KCND2: variants seen among roughly 807,000 people sequenced by gnomAD.
The protein encoded by KCND2 is A-type voltage-gated potassium channel KCND2.
A neutral mutation model predicts 54.4 loss-of-function variants in KCND2; 16 were observed. The ratio of observed to expected loss-of-function variants is 0.29; its 90% CI spans 0.20 to 0.45. KCND2 has a LOEUF of 0.45. Ranked by LOEUF, KCND2 falls within the 20% of genes least tolerant of loss-of-function variation. KCND2 has a pLI of 1.00. For missense variants in KCND2, 486 were observed against 824.2 expected, an observed-to-expected ratio of 0.59 and a Z score of 5.02; for synonymous variants, 317 against 310.7, an observed-to-expected ratio of 1.02 and a Z score of -0.21.
chr7:120,348,238 T>G (rs1476277662), intron 1 of KCND2, among the ~76,000 whole-genome samples: 7 of 152,172 alleles, frequency 4.6e-5, no homozygotes, highest in Non-Finnish European at 4.4e-5. Context: ...ACCCACCGTT[T>G]AACAGAATAG....
intron 1 of KCND2, among the ~76,000 whole-genome samples, chr7:120,466,707 C>A (rs1479955606): frequency 6.6e-6 from 1 of 152,142 alleles, no homozygotes; most frequent in Non-Finnish European, 1.5e-5. Context: ...GCTGCTATAA[C>A]AAAGTTTCCC....
chr7:120,634,729 G>A (rs1793282752), intron 1 of KCND2, among the ~76,000 whole-genome samples: 2 of 152,160 alleles, frequency 1.3e-5, no homozygotes, highest in Admixed American at 1.3e-4. Context: ...AAGTAACCAT[G>A]TTATTCTTCT....
At chr7:120,333,538 G>A (rs544251399) in intron 1 of KCND2, among the ~76,000 whole-genome samples, 1 of 152,146 alleles carries the variant, frequency 6.6e-6, no homozygotes, top group South Asian at 2.1e-4. Context: ...TTATGATAAA[G>A]CACTTTCGGA....
At chr7:120,566,815 CTG>C (rs1792304666) in intron 1 of KCND2, among the ~76,000 whole-genome samples, 1 of 151,724 alleles carries the variant, frequency 6.6e-6, no homozygotes, top group African/African-American at 2.4e-5. Flanking sequence ...TGTTAAGACA[CTG>C]TTAATTTTTA....
At chr7:120,605,361 G>A (rs570006455) in intron 1 of KCND2, among the ~76,000 whole-genome samples, 2 of 152,074 alleles carry the variant, frequency 1.3e-5, no homozygotes, top group Non-Finnish European at 2.9e-5. Context: ...CACCTAGCAT[G>A]TTTTCAAGAT....
intron 1 of KCND2, among the ~76,000 whole-genome samples, chr7:120,376,590 A>T (rs539304148): frequency 6.6e-6 from 1 of 151,442 alleles, no homozygotes; most frequent in East Asian, 1.9e-4. Context: ...ATAAAAATAC[A>T]TTTGCATTCT....
At chr7:120,641,544 G>A (rs957389640) in intron 1 of KCND2, among the ~76,000 whole-genome samples, 4 of 152,090 alleles carry the variant, frequency 2.6e-5, no homozygotes, top group Admixed American at 6.5e-5. Flanking sequence ...ACTTCCACCT[G>A]GGCTTGGAGA....
At chr7:120,421,732 T>C (rs1801627211) in intron 1 of KCND2, among the ~76,000 whole-genome samples, 1 of 152,238 alleles carries the variant, frequency 6.6e-6, no homozygotes, top group Non-Finnish European at 1.5e-5. Context: ...GTTATGGCAA[T>C]ACAAATACTA....
chr7:120,637,531 T>C (rs1272605657), intron 1 of KCND2, among the ~76,000 whole-genome samples: 2 of 152,138 alleles, frequency 1.3e-5, no homozygotes, highest in African/African-American at 4.8e-5. Context: ...AATTCTTTCA[T>C]TGACACCAAC....
chr7:120,466,306 C>T (rs549206546), intron 1 of KCND2, among the ~76,000 whole-genome samples: 5 of 152,068 alleles, frequency 3.3e-5, no homozygotes, highest in East Asian at 1.9e-4. Flanking sequence ...AAAATAGAAA[C>T]GTTCAATGAA....
intron 1 of KCND2, among the ~76,000 whole-genome samples, chr7:120,595,052 A>G (rs1208524261): frequency 6.6e-6 from 1 of 151,228 alleles, no homozygotes; most frequent in Non-Finnish European, 1.5e-5. Context: ...GAGAGAGAGA[A>G]TGGAAATCGA....
At chr7:120,669,154 G>A (rs1300628493) in intron 1 of KCND2, among the ~76,000 whole-genome samples, 6 of 151,820 alleles carry the variant, frequency 4.0e-5, no homozygotes, top group African/African-American at 1.5e-4. Context: ...TTTTTTCCAA[G>A]AGGAAAAAAA....
At chr7:120,666,259 A>C (rs973249967) in intron 1 of KCND2, among the ~76,000 whole-genome samples, 1 of 152,052 alleles carries the variant, frequency 6.6e-6, no homozygotes, top group African/African-American at 2.4e-5. Flanking sequence ...ATTGTGATCT[A>C]TGGTATTGAA....
intron 1 of KCND2, among the ~76,000 whole-genome samples, chr7:120,448,280 T>A (rs1247616553): frequency 6.6e-6 from 1 of 151,654 alleles, no homozygotes; most frequent in Non-Finnish European, 1.5e-5. Context: ...ACATGCAGTG[T>A]TTGGTTTTCT....
intron 1 of KCND2, among the ~76,000 whole-genome samples, chr7:120,419,522 A>G (rs553178647): frequency 6.6e-6 from 1 of 152,272 alleles, no homozygotes; most frequent in East Asian, 1.9e-4. Flanking sequence ...AGGATCCAAT[A>G]TGAGACCGCT....
At chr7:120,450,265 C>A (rs1320687769) in intron 1 of KCND2, among the ~76,000 whole-genome samples, 2 of 152,142 alleles carry the variant, frequency 1.3e-5, no homozygotes, top group African/African-American at 2.4e-5. Context: ...CAAATATTAG[C>A]TGGGCATGGT....
intron 1 of KCND2, among the ~76,000 whole-genome samples, chr7:120,544,142 G>A (rs1460643263): frequency 6.6e-6 from 1 of 151,936 alleles, no homozygotes; most frequent in Non-Finnish European, 1.5e-5. Flanking sequence ...AAGAAAAAAT[G>A]AAGATGTTTT....
In KCND2 at chr7:120,275,829, C is replaced by T. The variant is rs921317521; in HGVS notation, c.1115+82C>T. 7.6e-5 allele frequency: 108 copies of T among 1,428,140 alleles called. 2 individuals carry two copies. The highest frequency in any genetic ancestry group is 9.8e-5 in the Non-Finnish European group (101 of 1,029,610). The allele number at this position is 1,428,140 out of a possible 1,614,324, so 88.5% of individuals were successfully genotyped here. On this transcript the variant is annotated intron_variant, in intron 1 of 5. Transcript: ENST00000331113. Reference sequence around the variant, plus strand: ...ACCCATCGAGGTTACATGGTAACTCCGGGGAAATCATTTGTTTTCTTTCCT... The same window carrying T: ...ACCCATCGAGGTTACATGGTAACTCTGGGGAAATCATTTGTTTTCTTTCCT...
chr7:120,425,371 G>A (rs1227243585), intron 1 of KCND2, among the ~76,000 whole-genome samples: 4 of 152,190 alleles, frequency 2.6e-5, no homozygotes, highest in East Asian at 1.9e-4. Context: ...CCACAGATAC[G>A]TGATGCCTGC....
Sources: gnomAD v4.1 joint callset for allele counts (sites outside exome capture counted in the v4.1 genomes callset) on GRCh38, gnomAD v4.1.1 for gene constraint, MANE v1.5 for transcripts, NCBI Gene and HGNC (gene_info 2026-07-23, HGNC 2026-07-21) for gene names.